Variants in ASIP observed in about 807,000 individuals in gnomAD.
The protein encoded by ASIP is agouti-signaling protein.
ASIP carries 11 observed loss-of-function variants against 10.3 expected under a neutral mutation model. The observed-to-expected ratio is 1.07, with a 90% CI of 0.68 to 1.78. The LOEUF (loss-of-function observed/expected upper bound fraction) is 1.78. Ranked by LOEUF, ASIP falls within the 40% of genes most tolerant of loss-of-function variation. The pLI is 0.00. For missense variants in ASIP, 180 were observed against 169.2 expected, an observed-to-expected ratio of 1.06 and a Z score of -0.35; for synonymous variants, 70 against 70.8, an observed-to-expected ratio of 0.99 and a Z score of 0.06.
rs1233807075 is a variant in ASIP at position 34,245,315 on chromosome 20, C to T, written c.-11+3826C>T. Among the ~76,000 whole-genome samples the T allele has an allele frequency of 4.6e-5, 6 of 130,092 alleles. No homozygotes were observed. The Admixed American group carries it at 4.9e-4, about 11-fold the overall frequency. The allele number at this position is 130,092 out of a possible 152,430, so 85.3% of individuals were successfully genotyped here. A position where few individuals can be genotyped will look rare whatever the true frequency, so the allele number is the denominator to read the frequency against. On this transcript the variant is annotated intron_variant, in intron 1 of 3. Transcript: ENST00000374954. ...TGCCATTGCACTCGAGCCTGGGCGACAGTGTGAGACTCTGTCTCAAAAAAA... is the reference window on the plus strand; with the variant it reads ...TGCCATTGCACTCGAGCCTGGGCGATAGTGTGAGACTCTGTCTCAAAAAAA...
intron 1 of ASIP, among the ~76,000 whole-genome samples, chr20:34,220,608 A>G (rs913084698): frequency 1.3e-5 from 2 of 151,740 alleles, no homozygotes; most frequent in Admixed American, 1.3e-4. Context: ...AAAAAAAAAA[A>G]GAAGTAAGCA....
At chr20:34,265,780 T>C (rs2035773541) in intron 3 of ASIP, among the ~76,000 whole-genome samples, 1 of 151,672 alleles carries the variant, frequency 6.6e-6, no homozygotes, top group South Asian at 2.1e-4. Context: ...TGAAACCCCA[T>C]CTCTACTAAA....
chr20:34,198,118 C>T (rs1345757534), intron 1 of ASIP, among the ~76,000 whole-genome samples: 1 of 143,242 alleles, frequency 7.0e-6, no homozygotes, highest in African/African-American at 2.6e-5. Flanking sequence ...AGTGCAGTGG[C>T]GTGATCTCAA....
At chr20:34,225,481 C>T (rs1375647967) in intron 1 of ASIP, among the ~76,000 whole-genome samples, 1 of 151,968 alleles carries the variant, frequency 6.6e-6, no homozygotes, top group Non-Finnish European at 1.5e-5. Flanking sequence ...ACAGGATGTG[C>T]TCCCCTTATC....
rs6058011 is a variant in ASIP at position 34,219,561 on chromosome 20, A to G, written c.-11+24801A>G. ...CTGCAATAGAGTTTCCAAGCAAAAT[A>G]TAATTAATAAATTTGTTTACTCTTT... On this transcript the variant is annotated intron_variant, in intron 1 of 3. Coordinates refer to the ASIP transcript ENST00000568305. Among the ~76,000 whole-genome samples, 751 of 152,340 alleles carry G rather than the reference A, an allele frequency of 4.9e-3. 5 individuals are homozygous for G. The highest frequency in any genetic ancestry group is 0.017 in the African/African-American group (702 of 41,570).
chr20:34,258,852 T>C (rs1336323558), intron 1 of ASIP, among the ~76,000 whole-genome samples: 1 of 118,904 alleles, frequency 8.4e-6, no homozygotes, highest in Non-Finnish European at 1.7e-5. Flanking sequence ...AGTGTATATA[T>C]AATATATGAT....
intron 1 of ASIP, among the ~76,000 whole-genome samples, chr20:34,217,845 G>A (rs2035020392): frequency 6.6e-6 from 1 of 152,312 alleles, no homozygotes; most frequent in Admixed American, 6.5e-5. Context: ...TAACAGGCGT[G>A]AGCCACCGCG....
chr20:34,268,671 T>C (rs577966225), intron 3 of ASIP, among the ~76,000 whole-genome samples: 3 of 151,448 alleles, frequency 2.0e-5, no homozygotes, highest in African/African-American at 7.3e-5. Flanking sequence ...GAGATCGAGA[T>C]TGCAGTGAGC....
Position 34,247,853 on chromosome 20 carries a change from T to G in ASIP, c.-11+6364T>G, listed in dbSNP as rs2035406245. Among the ~76,000 whole-genome samples the G allele has an allele frequency of 2.0e-5, 3 of 150,380 alleles. No homozygotes were observed. In the South Asian group the frequency reaches 6.7e-4, roughly 34 times the overall value. ...CTCAAGCAATCTTCCTGACTCCACC[T>G]GCCAAAGTGCTGGGATTACAGGCAT... is the stretch of plus-strand genomic sequence containing the variant. On this transcript the variant is annotated intron_variant, in intron 1 of 3. Coordinates refer to ENST00000374954, the MANE Select transcript of ASIP (RefSeq NM_001672.3).
chr20:34,203,019 A>G (rs1397780140), intron 1 of ASIP, among the ~76,000 whole-genome samples: 1 of 152,024 alleles, frequency 6.6e-6, no homozygotes, highest in African/African-American at 2.4e-5. Flanking sequence ...CGCGTTAGCC[A>G]GGATGGTGTC....
intron 1 of ASIP, among the ~76,000 whole-genome samples, chr20:34,246,796 A>G (rs1363474697): frequency 1.3e-5 from 2 of 152,214 alleles, no homozygotes; most frequent in African/African-American, 2.4e-5. Context: ...GATAAACTTG[A>G]AGCTCCCTTT....
At chr20:34,187,355 A>G in the ASIP span, among the ~76,000 whole-genome samples, 4 of 152,194 alleles carry the variant, frequency 2.6e-5, no homozygotes, top group Non-Finnish European at 5.9e-5. Flanking sequence ...AACTGTTCAG[A>G]GAGGAATTTC....
At chr20:34,200,925 T>C (rs1210461784) in intron 1 of ASIP, among the ~76,000 whole-genome samples, 1 of 151,996 alleles carries the variant, frequency 6.6e-6, no homozygotes, top group Non-Finnish European at 1.5e-5. Flanking sequence ...CCAAAATAAG[T>C]GTTAGCTGTG....
chr20:34,234,036 C>CA (rs1368578736), intron 1 of ASIP, among the ~76,000 whole-genome samples: 1 of 152,218 alleles, frequency 6.6e-6, no homozygotes, highest in Non-Finnish European at 1.5e-5. Flanking sequence ...TTCAGAAACA[C>CA]AGAGTCCCTT....
At chr20:34,207,176 A>T (rs76327094) in intron 1 of ASIP, among the ~76,000 whole-genome samples, 2,771 of 152,130 alleles carry the variant, frequency 0.018, 40 homozygotes, top group Non-Finnish European at 0.025. Context: ...TTATTTTTTT[A>T]AATTTCTTTT....
chr20:34,269,056 C>G lies in ASIP; in HGVS notation c.288C>G (p.Thr96=). 1 of 1,600,714 alleles carries G rather than the reference C, an allele frequency of 6.2e-7. No individual in the cohort carries two copies. Among genetic ancestry groups the G allele is most frequent in the Non-Finnish European group, 8.5e-7 (1 of 1,174,518 alleles). ...RTPLSAPCVA[T]RNSCKPPAPA... is the part of the protein sequence containing the mutation. ...CCCTATCTGCGCCCTGCGTGGCCAC[C>G]CGCAACAGCTGCAAGCCGCCGGCAC... Residue 96 remains threonine, a synonymous_variant, in exon 4 of 4, where the codon ACC becomes ACG. Coordinates refer to ENST00000374954, the MANE Select transcript of ASIP (RefSeq NM_001672.3).
chr20:34,212,688 G>A (rs1467240123), intron 1 of ASIP, among the ~76,000 whole-genome samples: 2 of 151,910 alleles, frequency 1.3e-5, no homozygotes, highest in East Asian at 3.9e-4. Context: ...TGACATTTTT[G>A]AGGAAAAAAA....
chr20:34,253,467 A>G (rs1350376798), intron 1 of ASIP, among the ~76,000 whole-genome samples: 1 of 143,136 alleles, frequency 7.0e-6, no homozygotes, highest in Non-Finnish European at 1.5e-5. Context: ...TTATTTATTT[A>G]TTTATTTATT....
chr20:34,214,057 A>T, intron 1 of ASIP: 1 of 1,279,594 alleles, frequency 7.8e-7, no homozygotes, highest in East Asian at 2.3e-5. Context: ...ATTATTAACA[A>T]TCATCACTCC....
Sources: allele counts gnomAD v4.1 joint callset (sites outside exome capture counted in the v4.1 genomes callset), GRCh38; gene constraint gnomAD v4.1.1; transcripts MANE v1.5; gene names NCBI Gene and HGNC (gene_info 2026-07-23, HGNC 2026-07-21).